Variants in JAK2 observed in about 807,000 individuals in gnomAD.
The protein encoded by JAK2 is tyrosine-protein kinase JAK2.
In JAK2, 86 loss-of-function variants were observed where a neutral mutation model predicts 139.3. The observed-to-expected ratio is 0.62, with a 90% CI of 0.52 to 0.74. JAK2 has a LOEUF of 0.74. Among genes scored for constraint, JAK2 ranks in the 30% least tolerant of loss-of-function variants. The pLI is 0.00. For missense variants in JAK2, 1,421 were observed against 1,360.3 expected, an observed-to-expected ratio of 1.04 and a Z score of -0.70; for synonymous variants, 490 against 437.7, an observed-to-expected ratio of 1.12 and a Z score of -1.49.
chr9:4,991,651 C>T (rs1314726384), intron 2 of JAK2, among the ~76,000 whole-genome samples: 1 of 152,110 alleles, frequency 6.6e-6, no homozygotes. Flanking sequence ...AAATGGTTTA[C>T]CAATGTTTAT....
intron 4 of JAK2, among the ~76,000 whole-genome samples, chr9:5,034,585 C>CA (rs1269790491): frequency 7.9e-5 from 12 of 151,992 alleles, no homozygotes; most frequent in Admixed American, 1.3e-4. Context: ...TTAAGAAACT[C>CA]ACTCAAAACC....
chr9:5,054,579 C>A lies in JAK2; in HGVS notation c.631C>A (p.Pro211Thr). 1 of 1,586,818 alleles carries A rather than the reference C, an allele frequency of 6.3e-7. No homozygotes were observed. The highest frequency in any genetic ancestry group is 8.6e-7 in the Non-Finnish European group (1 of 1,164,724). Residue 211 changes from proline (P) to threonine (T), a missense_variant, in exon 7 of 25, where the codon CCA becomes ACA. By Grantham distance (38) the Pro-to-Thr change is conservative. Transcript: ENST00000381652. This position sits in a 1 kb window ranked among gnomAD's most constrained non-coding sequence, Gnocchi z 4.9. ...YNSISYKTFL[P>T]KCIRAKIQDY... ...TATCCCTAGCTACAAGACATTCTTA[C>A]CAAAATGTATTCGAGCAAAGATCCA... is the stretch of plus-strand genomic sequence containing the variant.
At chr9:5,048,312 T>G (rs2130359499) in intron 5 of JAK2, among the ~76,000 whole-genome samples, 1 of 152,170 alleles carries the variant, frequency 6.6e-6, no homozygotes, top group South Asian at 2.1e-4. Flanking sequence ...CGGCTAATTT[T>G]TTGTATTTTT....
chr9:5,082,827 C>G (rs1563986287), intron 19 of JAK2, among the ~76,000 whole-genome samples: 1 of 152,340 alleles, frequency 6.6e-6, no homozygotes, highest in South Asian at 2.1e-4. Context: ...AGCCTTAAAC[C>G]TTGATTCCAT....
intron 4 of JAK2, chr9:5,041,372 C>T (rs1220654992): frequency 6.4e-6 from 4 of 626,576 alleles, no homozygotes; most frequent in Non-Finnish European, 1.2e-5. Context: ...CAACATGCAC[C>T]TGGGCAAGGA....
intron 4 of JAK2, among the ~76,000 whole-genome samples, chr9:5,043,744 C>T (rs1157773599): frequency 1.3e-5 from 2 of 152,110 alleles, no homozygotes; most frequent in East Asian, 3.8e-4. Flanking sequence ...TATATTCATA[C>T]AATGAAATAT....
At chr9:5,111,156 T>G in intron 22 of JAK2, 1 of 834,898 alleles carries the variant, frequency 1.2e-6, no homozygotes, top group South Asian at 1.4e-5. Context: ...CTCAACTTGC[T>G]GAGTCGCACG....
In JAK2 at chr9:5,066,097, A is replaced by G. The variant is rs368142111; in HGVS notation, c.1215-581A>G. 1.1e-4 allele frequency among the ~76,000 whole-genome samples: 16 copies of G among 152,296 alleles called. No individual in the cohort carries two copies. In the East Asian group the frequency reaches 3.1e-3, roughly 29 times the overall value. On this transcript the variant is annotated intron_variant, in intron 9 of 24. Transcript: ENST00000381652. ...AAGCATTGGTTTGTATATTAGAAAT[A>G]TGGTGATAAGTGAAACAGAATGATT... is the stretch of plus-strand genomic sequence containing the variant.
chr9:5,064,626 C>T (rs1215686742), intron 8 of JAK2, among the ~76,000 whole-genome samples: 7 of 151,768 alleles, frequency 4.6e-5, no homozygotes. Context: ...GTATATTAGT[C>T]TAAGAAGGAC....
intron 2 of JAK2, among the ~76,000 whole-genome samples, chr9:5,002,319 C>T (rs940756464): frequency 2.2e-4 from 33 of 151,570 alleles, no homozygotes; most frequent in African/African-American, 8.0e-4. Flanking sequence ...AGCTGTATTC[C>T]CCCAAATTTT....
intron 3 of JAK2, among the ~76,000 whole-genome samples, chr9:5,023,443 G>A (rs987178087): frequency 3.3e-5 from 5 of 152,020 alleles, no homozygotes; most frequent in Non-Finnish European, 7.4e-5. Flanking sequence ...CGGGGGGAGC[G>A]TGGGACCCAG....
chr9:5,109,133 C>T (rs1340626180), intron 22 of JAK2: 1 of 152,114 alleles, frequency 6.6e-6, no homozygotes, highest in Non-Finnish European at 1.5e-5. Flanking sequence ...TTACAACCCT[C>T]TACTCCCTAC....
chr9:5,126,525 A>G (rs1387112718), intron 24 of JAK2, 79 bp downstream of exon 24: 4 of 1,062,724 alleles, frequency 3.8e-6, no homozygotes, highest in Non-Finnish European at 5.7e-6. Flanking sequence ...CACTTCCTGA[A>G]ATTTAATGTG....
At chr9:5,124,079 G>C (rs906201864) in intron 23 of JAK2, among the ~76,000 whole-genome samples, 1 of 151,540 alleles carries the variant, frequency 6.6e-6, no homozygotes, top group African/African-American at 2.4e-5. Context: ...TGGTTGAATT[G>C]CTTGAGTTCC....
chr9:5,105,383 A>G (rs892015484), intron 22 of JAK2, among the ~76,000 whole-genome samples: 1 of 152,222 alleles, frequency 6.6e-6, no homozygotes, highest in Non-Finnish European at 1.5e-5. Context: ...CTTCAAGGAA[A>G]ACTACAAACC....
chr9:5,062,463 C>G (rs1818249733), intron 8 of JAK2, among the ~76,000 whole-genome samples: 1 of 124,820 alleles, frequency 8.0e-6, no homozygotes, highest in African/African-American at 3.2e-5. Context: ...TAGACTTGTA[C>G]TTGCTCCACT....
At chr9:5,103,856 T>C (rs1432457954) in intron 22 of JAK2, among the ~76,000 whole-genome samples, 1 of 152,126 alleles carries the variant, frequency 6.6e-6, no homozygotes, top group African/African-American at 2.4e-5. Flanking sequence ...ATAAAGATGT[T>C]CTTTGAAACC....
At chr9:5,083,700 A>G (rs866236159) in intron 19 of JAK2, among the ~76,000 whole-genome samples, 4 of 152,206 alleles carry the variant, frequency 2.6e-5, no homozygotes, top group African/African-American at 9.6e-5. Context: ...AGAAGTAGAC[A>G]TAACAAAGAA....
At chr9:5,074,110 T>C (rs1819151442) in intron 14 of JAK2, among the ~76,000 whole-genome samples, 1 of 152,142 alleles carries the variant, frequency 6.6e-6, no homozygotes, top group Non-Finnish European at 1.5e-5. Flanking sequence ...GCCTTTTCAG[T>C]ACAAACTTAT....
Sources: allele counts gnomAD v4.1 joint callset (sites outside exome capture counted in the v4.1 genomes callset), GRCh38; gene constraint gnomAD v4.1.1; non-coding constraint Gnocchi (gnomAD v3.1); transcripts MANE v1.5; gene names NCBI Gene and HGNC (gene_info 2026-07-23, HGNC 2026-07-21).